The following DPP10 variants were observed in gnomAD, a reference collection of about 807,000 sequenced individuals.
DPP10 encodes dipeptidyl peptidase like 10.
In DPP10, 33 loss-of-function variants were observed where a neutral mutation model predicts 120.9. The ratio of observed to expected loss-of-function variants is 0.27; its 90% CI spans 0.21 to 0.37. The LOEUF (loss-of-function observed/expected upper bound fraction) is 0.37, where lower values mean the gene tolerates loss of function less well. Ranked by LOEUF, DPP10 falls within the 10% of genes least tolerant of loss-of-function variation. The probability of loss-of-function intolerance (pLI) is 1.00; values close to 1 mark genes in which losing one functional copy is unlikely to be tolerated. For missense variants in DPP10, 816 were observed against 942.8 expected (o/e 0.87, Z 1.76); for synonymous variants, 337 against 326.1 (o/e 1.03, Z -0.36).
At chr2:114,740,798 A>G (rs551906898) in intron 1 of DPP10, among the ~76,000 whole-genome samples, 1 of 152,324 alleles carries the variant, frequency 6.6e-6, no homozygotes, top group African/African-American at 2.4e-5. Context: ...GTTGCTTTCC[A>G]AAAGTTTGGT....
At chr2:115,712,632 G>C (rs2092367573) in intron 7 of DPP10, among the ~76,000 whole-genome samples, 1 of 139,820 alleles carries the variant, frequency 7.2e-6, no homozygotes. Context: ...CTAGGGATCA[G>C]CAACTTTTTT....
At chr2:115,681,110 G>A (rs1231654956) in intron 5 of DPP10, among the ~76,000 whole-genome samples, 6 of 151,642 alleles carry the variant, frequency 4.0e-5, no homozygotes, top group African/African-American at 1.5e-4. Flanking sequence ...GTAGCATGTA[G>A]GACTATAAAT....
chr2:114,880,559 C>T (rs966327826), intron 1 of DPP10, among the ~76,000 whole-genome samples: 7 of 151,928 alleles, frequency 4.6e-5, no homozygotes, highest in African/African-American at 1.7e-4. Context: ...ATGAGTTTCT[C>T]AATGAAAGGG....
At chr2:115,275,562 T>A (rs1368641965) in intron 1 of DPP10, among the ~76,000 whole-genome samples, 1 of 152,162 alleles carries the variant, frequency 6.6e-6, no homozygotes, top group East Asian at 1.9e-4. Flanking sequence ...ACTATATAAG[T>A]CACGTTAGCC....
At chr2:115,765,152 C>T (rs377280074) in intron 12 of DPP10, among the ~76,000 whole-genome samples, 10 of 151,956 alleles carry the variant, frequency 6.6e-5, no homozygotes, top group African/African-American at 1.9e-4. Context: ...ATTTTTTAGT[C>T]CAGCAAGGCA....
intron 3 of DPP10, among the ~76,000 whole-genome samples, chr2:115,425,916 G>A (rs1479024689): frequency 6.6e-6 from 1 of 152,146 alleles, no homozygotes; most frequent in Non-Finnish European, 1.5e-5. Flanking sequence ...GGAAGAAAGG[G>A]GAAGGCGCCA....
At position 114,826,059 on chromosome 2, in the gene DPP10, A is replaced by G. The variant is rs1686504551; in HGVS notation, c.60+383221A>G. On this transcript the variant is annotated intron_variant, in intron 1 of 25. Transcript: ENST00000410059. ...CAAAGGCAGATAGCAAAGCATCTGG[A>G]AATGGGCAGATCAAAATGTTGTCTT... is the stretch of plus-strand genomic sequence containing the variant. Among the ~76,000 whole-genome samples, 4 of 152,238 alleles carry G rather than the reference A, an allele frequency of 2.6e-5. No individual in the cohort carries two copies. In the South Asian group the frequency reaches 6.2e-4, roughly 24 times the overall value.
At chr2:115,675,132 A>G (rs1208902762) in intron 5 of DPP10, among the ~76,000 whole-genome samples, 1 of 152,192 alleles carries the variant, frequency 6.6e-6, no homozygotes, top group Non-Finnish European at 1.5e-5. Context: ...TCCCTCAAAG[A>G]TGTTATCATT....
intron 1 of DPP10, among the ~76,000 whole-genome samples, chr2:115,274,623 T>A (rs1040416572): frequency 2.0e-5 from 3 of 152,188 alleles, no homozygotes; most frequent in Non-Finnish European, 4.4e-5. Context: ...GAATTAGAAG[T>A]TTATGGCAAC....
intron 1 of DPP10, among the ~76,000 whole-genome samples, chr2:115,189,991 T>C (rs2054751839): frequency 6.6e-6 from 1 of 152,122 alleles, no homozygotes. Context: ...GGTGGTATTG[T>C]TTGGATGAAG....
chr2:115,410,770 A>G (rs923780244), intron 3 of DPP10, among the ~76,000 whole-genome samples: 1 of 152,220 alleles, frequency 6.6e-6, no homozygotes, highest in East Asian at 1.9e-4. Flanking sequence ...CCACTAAACA[A>G]CTTATCCATG....
intron 3 of DPP10, among the ~76,000 whole-genome samples, chr2:115,401,760 T>C (rs1190058487): frequency 6.6e-6 from 1 of 152,118 alleles, no homozygotes; most frequent in Non-Finnish European, 1.5e-5. Context: ...GTTGGTATGA[T>C]GCATTTTCTA....
At chr2:114,483,221 CT>C (rs914364423) in intron 1 of DPP10, among the ~76,000 whole-genome samples, 4 of 149,432 alleles carry the variant, frequency 2.7e-5, no homozygotes, top group Non-Finnish European at 6.0e-5. Flanking sequence ...TATCAGTTTA[CT>C]TTTTTTTTTC....
intron 1 of DPP10, among the ~76,000 whole-genome samples, chr2:114,904,708 A>G (rs1157439961): frequency 1.3e-5 from 2 of 152,232 alleles, no homozygotes; most frequent in Non-Finnish European, 2.9e-5. Flanking sequence ...ATAAGATGAA[A>G]TGAATGAAGG....
rs1364296019 is a variant in DPP10 at position 114,914,293 on chromosome 2, T to C, written c.61-394946T>C. Among the ~76,000 whole-genome samples, 6 of 152,128 alleles carry C rather than the reference T, an allele frequency of 3.9e-5. No homozygotes were observed. The East Asian group carries it at 7.7e-4, about 20-fold the overall frequency. ...CAAGGTCAATGCAAAATAAAAGATA[T>C]TAAAGGCAGCTAGAGAGAAGGGGCA... On this transcript the variant is annotated intron_variant, in intron 1 of 25. Transcript: ENST00000410059.
At chr2:114,980,169 G>A (rs1699995351) in intron 1 of DPP10, among the ~76,000 whole-genome samples, 1 of 152,058 alleles carries the variant, frequency 6.6e-6, no homozygotes, top group Non-Finnish European at 1.5e-5. Context: ...GTTTTGATAT[G>A]TATATACATT....
At chr2:114,495,817 G>A (rs1682463262) in intron 1 of DPP10, among the ~76,000 whole-genome samples, 1 of 152,184 alleles carries the variant, frequency 6.6e-6, no homozygotes, top group Admixed American at 6.6e-5. Context: ...GGATGAGGTA[G>A]ATAGAGACAT....
At chr2:114,743,678 T>C (rs188593068) in intron 1 of DPP10, among the ~76,000 whole-genome samples, 66 of 152,322 alleles carry the variant, frequency 4.3e-4, no homozygotes, top group African/African-American at 1.5e-3. Context: ...TTCTCACCTA[T>C]AAAATAAAGA....
intron 1 of DPP10, among the ~76,000 whole-genome samples, chr2:114,769,483 T>C (rs1411639546): frequency 6.6e-6 from 1 of 152,152 alleles, no homozygotes; most frequent in Admixed American, 6.6e-5. Flanking sequence ...ATAAGGTTGT[T>C]TTAAGGTTCA....
Sources: gnomAD v4.1 joint callset for allele counts (sites outside exome capture counted in the v4.1 genomes callset) on GRCh38, gnomAD v4.1.1 for gene constraint, MANE v1.5 for transcripts, NCBI Gene and HGNC (gene_info 2026-07-23, HGNC 2026-07-21) for gene names.